Variants in KANSL1 observed in about 807,000 individuals in gnomAD.
KANSL1 encodes the protein KAT8 regulatory NSL complex subunit 1.
KANSL1 carries 22 observed loss-of-function variants against 103.6 expected under a neutral mutation model. The observed-to-expected ratio is 0.21, with a 90% CI of 0.15 to 0.30. The LOEUF (loss-of-function observed/expected upper bound fraction) is 0.30. Ranked by LOEUF, KANSL1 falls within the 10% of genes least tolerant of loss-of-function variation. The pLI is 1.00. For missense variants in KANSL1, 1,337 were observed against 1,399.8 expected (o/e 0.96, Z 0.72); for synonymous variants, 600 against 527.6 (o/e 1.14, Z -1.88).
intron 6 of KANSL1, among the ~76,000 whole-genome samples, chr17:46,063,940 T>C (rs2078272946): frequency 6.7e-6 from 1 of 149,578 alleles, no homozygotes. Flanking sequence ...TGTGTTAAAT[T>C]CATCAAGGAA....
chr17:46,052,964 CA>C (rs34473927), intron 6 of KANSL1, among the ~76,000 whole-genome samples: 2 of 33,000 alleles, frequency 6.1e-5, no homozygotes, highest in Admixed American at 3.9e-4. Flanking sequence ...ATCCTGTCTC[CA>C]AAAAAAAAAA....
chr17:46,186,923 C>G (rs2047063373), intron 1 of KANSL1, among the ~76,000 whole-genome samples: 3 of 151,862 alleles, frequency 2.0e-5, no homozygotes, highest in Admixed American at 2.0e-4. Context: ...TTAGTAGAGA[C>G]AGGGTTTCAC....
At chr17:46,039,923 C>A (rs1323572941) in intron 7 of KANSL1, 39 bp from the exon 8 acceptor site, 26 of 1,591,266 alleles carry the variant, frequency 1.6e-5, no homozygotes, top group Non-Finnish European at 2.1e-5. Flanking sequence ...AGTCCAAACA[C>A]CTGGCCTCTC....
At chr17:46,092,720 G>C (rs1199247051) in intron 3 of KANSL1, 2 of 120,240 alleles carry the variant, frequency 1.7e-5, no homozygotes, top group East Asian at 2.5e-4. Context: ...TTTTTTGGGG[G>C]GGGGGGGGGA....
rs67108405 is a variant in KANSL1 at position 46,084,697 on chromosome 17, TAAAAAAAAAAA to T, written c.1432-2166_1432-2156del. Among the ~76,000 whole-genome samples, 81 of 74,512 alleles carry T rather than the reference TAAAAAAAAAAA, an allele frequency of 1.1e-3. 1 individual carries two copies. Among genetic ancestry groups the T allele is most frequent in the African/African-American group, 3.8e-3 (67 of 17,718 alleles). 48.9% of individuals were successfully genotyped at this position (74,512 alleles called of 152,430 possible). On this transcript the variant is annotated intron_variant, in intron 3 of 14. Coordinates refer to ENST00000432791, the MANE Select transcript of KANSL1 (RefSeq NM_015443.4). ...AACTCCACCTCAAAATTTTAAAAAT[TAAAAAAAAAAA>T]AAAAAAAAAAAAAAAAGAATTGGAG...
At chr17:46,170,705 A>T (rs1454804096) in intron 2 of KANSL1, 150 bp downstream of exon 2, 62 of 839,246 alleles carry the variant, frequency 7.4e-5, no homozygotes, top group Non-Finnish European at 3.7e-6. Context: ...TAGCATGTAT[A>T]TGCACTCATC....
chr17:46,079,972 G>A (rs1320285899), intron 4 of KANSL1, among the ~76,000 whole-genome samples: 1 of 151,692 alleles, frequency 6.6e-6, no homozygotes, highest in Non-Finnish European at 1.5e-5. Flanking sequence ...ATAAGACCCT[G>A]TCTAAAAAGA....
chr17:46,032,535 T>G (rs2077039784), intron 13 of KANSL1: 1 of 430,886 alleles, frequency 2.3e-6, no homozygotes, highest in Non-Finnish European at 4.1e-6. Flanking sequence ...CATAGCAAAG[T>G]GCCTAGTGAA....
At chr17:46,079,368 C>T (rs535738232) in intron 4 of KANSL1, among the ~76,000 whole-genome samples, 1 of 152,322 alleles carries the variant, frequency 6.6e-6, no homozygotes, top group African/African-American at 2.4e-5. Context: ...CATTACCTAA[C>T]AAGCCCACCC....
At chr17:46,182,345 G>A (rs1272612815) in intron 1 of KANSL1, among the ~76,000 whole-genome samples, 1 of 152,254 alleles carries the variant, frequency 6.6e-6, no homozygotes, top group Non-Finnish European at 1.5e-5. Context: ...TCAAGAGAAA[G>A]AGAGGAAAAG....
chr17:46,078,965 T>C (rs2146789415), intron 4 of KANSL1, among the ~76,000 whole-genome samples: 1 of 152,292 alleles, frequency 6.6e-6, no homozygotes, highest in Middle Eastern at 3.4e-3. Flanking sequence ...CGTTAAGTTT[T>C]CTCTCCCTCA....
In KANSL1 at chr17:46,039,316, A is replaced by G. The variant is rs1235997083; in HGVS notation, c.2204-101T>C. On this transcript the variant is annotated intron_variant, in intron 8 of 14. Transcript: ENST00000432791. ...AGTTCTCTCTAGGCCAACGCCGTAT[A>G]CCCAGGGCAGCAGGACAGTCCTTCA... The G allele has an allele frequency of 5.4e-6, 6 of 1,111,306 alleles. No individual in the cohort carries two copies. The African/African-American group carries it at 7.9e-5, about 15-fold the overall frequency. 68.8% of individuals were successfully genotyped at this position (1,111,306 alleles called of 1,614,324 possible). A position where few individuals can be genotyped will look rare whatever the true frequency, so the allele number is the denominator to read the frequency against.
intron 1 of KANSL1, among the ~76,000 whole-genome samples, chr17:46,200,033 G>A (rs2047742488): frequency 9.9e-6 from 1 of 101,128 alleles, no homozygotes; most frequent in Non-Finnish European, 2.1e-5. Context: ...GTTCCTCAAT[G>A]AGTTTACACA....
intron 1 of KANSL1, among the ~76,000 whole-genome samples, chr17:46,213,761 T>G (rs57465121): frequency 6.6e-6 from 1 of 151,596 alleles, no homozygotes; most frequent in African/African-American, 2.4e-5. Flanking sequence ...CTACTAAAAA[T>G]ATAACAATCA....
At chr17:46,202,858 G>A (rs548345383) in intron 1 of KANSL1, among the ~76,000 whole-genome samples, 3 of 152,230 alleles carry the variant, frequency 2.0e-5, no homozygotes, top group East Asian at 1.9e-4. Context: ...AATGAAATGT[G>A]TCCCAAATGA....
At position 46,165,592 on chromosome 17, in the gene KANSL1, C is replaced by T. The variant is rs186066735; in HGVS notation, c.1289+5263G>A. On this transcript the variant is annotated intron_variant, in intron 2 of 14. Transcript: ENST00000432791. ...GAGCTGAGATTTCAGCTCACTGCAA[C>T]TCCTGCCTCCTGGGTTCAAGTGATT... 2.6e-3 allele frequency among the ~76,000 whole-genome samples: 398 copies of T among 151,754 alleles called. 3 individuals are homozygous for T. Among genetic ancestry groups the T allele is most frequent in the Non-Finnish European group, 3.7e-3 (251 of 67,970 alleles).
intron 2 of KANSL1, among the ~76,000 whole-genome samples, chr17:46,125,438 G>C (rs1209223629): frequency 6.6e-6 from 1 of 151,818 alleles, no homozygotes; most frequent in Non-Finnish European, 1.5e-5. Context: ...CAGTACTGTG[G>C]TCATCTGGAA....
At chr17:46,210,501 A>AATGTGAATATAATTTATTTG (rs2048131063) in intron 1 of KANSL1, among the ~76,000 whole-genome samples, 1 of 150,828 alleles carries the variant, frequency 6.6e-6, no homozygotes, top group Non-Finnish European at 1.5e-5. Context: ...AAAAAAAAAA[A>AATGTGAATATAATTTATTTG]AGACCTGAGT....
intron 7 of KANSL1, among the ~76,000 whole-genome samples, chr17:46,046,977 A>C (rs1331637788): frequency 6.6e-6 from 1 of 152,206 alleles, no homozygotes; most frequent in Non-Finnish European, 1.5e-5. Context: ...AGGGAAGGTA[A>C]AAGTCAGTGA....
Sources: allele counts gnomAD v4.1 joint callset (sites outside exome capture counted in the v4.1 genomes callset), GRCh38; gene constraint gnomAD v4.1.1; transcripts MANE v1.5; gene names NCBI Gene and HGNC (gene_info 2026-07-23, HGNC 2026-07-21).